Variants in PACSIN2 observed in about 807,000 individuals in gnomAD.
The protein encoded by PACSIN2 is protein kinase C and casein kinase substrate in neurons protein 2.
PACSIN2 carries 25 observed loss-of-function variants against 63.8 expected under a neutral mutation model. That is an observed-to-expected ratio of 0.39 (90% CI 0.29 to 0.55). The LOEUF (loss-of-function observed/expected upper bound fraction) is 0.55. Among genes scored for constraint, PACSIN2 ranks in the 20% least tolerant of loss-of-function variants. PACSIN2 has a pLI of 0.62. For synonymous variants in PACSIN2, 255 were observed against 256.2 expected (o/e 1.00, Z 0.05); for missense variants, 518 against 646.9 (o/e 0.80, Z 2.16).
intron 1 of PACSIN2, among the ~76,000 whole-genome samples, chr22:42,923,679 G>C (rs541008241): frequency 1.2e-4 from 19 of 152,176 alleles, no homozygotes; most frequent in African/African-American, 4.6e-4. Context: ...CGCCCGCCTC[G>C]GCCTCCCAAA....
chr22:42,986,084 C>T (rs1198264224), intron 1 of PACSIN2, among the ~76,000 whole-genome samples: 1 of 152,150 alleles, frequency 6.6e-6, no homozygotes, highest in Non-Finnish European at 1.5e-5. Context: ...TAGCCAAGCA[C>T]CCTCAAGGTG....
At chr22:42,990,038 A>ATATATATACACACATATGTATATATATG (rs1922934633) in intron 1 of PACSIN2, among the ~76,000 whole-genome samples, 1 of 23,786 alleles carries the variant, frequency 4.2e-5, no homozygotes, top group African/African-American at 2.9e-4. Flanking sequence ...ATATATATGT[A>ATATATATACACACATATGTATATATATG]TATATATATA....
intron 1 of PACSIN2, among the ~76,000 whole-genome samples, chr22:43,012,284 G>C (rs1404658366): frequency 3.0e-5 from 4 of 133,326 alleles, no homozygotes; most frequent in Admixed American, 8.8e-5. Context: ...GGAATCATTT[G>C]AACCTGGGCA....
intron 1 of PACSIN2, among the ~76,000 whole-genome samples, chr22:42,975,610 T>TA (rs1286991355): frequency 2.2e-5 from 2 of 91,058 alleles, no homozygotes; most frequent in African/African-American, 9.4e-5. Flanking sequence ...GTATAAGTAT[T>TA]CTTTTTTTTT....
chr22:42,888,926 T>C (rs1033858194), intron 4 of PACSIN2, 128 bp from the exon 5 acceptor site: 6 of 835,658 alleles, frequency 7.2e-6, no homozygotes, highest in African/African-American at 3.4e-5. Flanking sequence ...AAATTGTATG[T>C]ATACTATCAT....
rs146788796 is a variant in PACSIN2 at position 42,930,102 on chromosome 22, C to T, written c.-77-17945G>A. ...AATATGAATGCCATGCTTTTCTCAT[C>T]GCGAACCATGAGGTGACTTGGGAAC... On this transcript the variant is annotated intron_variant, in intron 1 of 10. Coordinates refer to ENST00000263246, the MANE Select transcript of PACSIN2 (RefSeq NM_001184970.3). Among the ~76,000 whole-genome samples, 294 of 152,322 alleles carry T rather than the reference C, an allele frequency of 1.9e-3. 4 individuals are homozygous for T. The highest frequency in any genetic ancestry group is 7.9e-3 in the South Asian group (38 of 4,824).
At chr22:42,969,591 T>A (rs933418056) in intron 1 of PACSIN2, among the ~76,000 whole-genome samples, 6 of 152,158 alleles carry the variant, frequency 3.9e-5, no homozygotes, top group Non-Finnish European at 5.9e-5. Context: ...TGGGATTGAT[T>A]ATCGCTGTAG....
At chr22:43,010,398 A>ATATATATTTTTTTTTTT in intron 1 of PACSIN2, among the ~76,000 whole-genome samples, 4 of 126,406 alleles carry the variant, frequency 3.2e-5, no homozygotes, top group Middle Eastern at 8.1e-3. Context: ...ATATATATAT[A>ATATATATTTTTTTTTTT]TTTTTTTTTA....
intron 1 of PACSIN2, among the ~76,000 whole-genome samples, chr22:42,946,540 ACT>A (rs1385232248): frequency 6.6e-6 from 1 of 152,082 alleles, no homozygotes; most frequent in Non-Finnish European, 1.5e-5. Flanking sequence ...AAAGAGCAAA[ACT>A]CTGTCTCAAA....
intron 1 of PACSIN2, among the ~76,000 whole-genome samples, chr22:42,936,904 C>G (rs1186857481): frequency 1.7e-5 from 2 of 118,694 alleles, no homozygotes; most frequent in South Asian, 2.7e-4. Flanking sequence ...CAGCAAGACT[C>G]TGCCTCAAAA....
At position 42,876,225 on chromosome 22, in the gene PACSIN2, G is replaced by A. The variant is rs372138986; in HGVS notation, c.1260C>T (p.Asp420=). ...TDANGDSNPF[D]DDATSGTEVR... Reference sequence around the variant, plus strand: ...CTTCCGTCCCCGAGGTGGCGTCGTCGTCGAATGGATTCGAGTCCCCATTGG... The same window carrying A: ...CTTCCGTCCCCGAGGTGGCGTCGTCATCGAATGGATTCGAGTCCCCATTGG... Residue 420 remains aspartate (D), a synonymous_variant, in exon 10 of 11, where the codon GAC becomes GAT. Transcript: ENST00000263246. 2.7e-5 allele frequency: 43 copies of A among 1,614,058 alleles called. No individual in the cohort carries two copies. The highest frequency in any genetic ancestry group is 3.3e-5 in the Non-Finnish European group (39 of 1,180,040).
intron 10 of PACSIN2, among the ~76,000 whole-genome samples, chr22:42,873,677 T>C (rs1928351496): frequency 6.6e-6 from 1 of 152,244 alleles, no homozygotes; most frequent in African/African-American, 2.4e-5. Context: ...GAGTGGTAGA[T>C]GCTGCTTCTG....
At chr22:42,874,878 T>A (rs1928479317) in intron 10 of PACSIN2, among the ~76,000 whole-genome samples, 1 of 100,616 alleles carries the variant, frequency 9.9e-6, no homozygotes, top group African/African-American at 3.6e-5. Context: ...TGAAAAAGAG[T>A]TTTGCTCTGT....
chr22:43,013,864 A>G (rs982380770), intron 1 of PACSIN2, among the ~76,000 whole-genome samples: 3 of 152,044 alleles, frequency 2.0e-5, no homozygotes, highest in Non-Finnish European at 4.4e-5. Context: ...CCACAAAAAC[A>G]CCGGACAGGC....
intron 2 of PACSIN2, among the ~76,000 whole-genome samples, chr22:42,898,426 C>G (rs974739664): frequency 2.0e-5 from 3 of 152,084 alleles, no homozygotes; most frequent in Non-Finnish European, 4.4e-5. Flanking sequence ...CATGCGCCAC[C>G]ACGCCCAGCT....
chr22:42,911,318 G>A (rs757362193), intron 2 of PACSIN2, among the ~76,000 whole-genome samples: 63 of 151,604 alleles, frequency 4.2e-4, no homozygotes, highest in Non-Finnish European at 7.4e-5. Context: ...GCTGAGGTGG[G>A]AGGATGGCTT....
rs1352887384 is a variant in PACSIN2 at position 43,004,986 on chromosome 22, T to G, written c.-78+10035A>C. On this transcript the variant is annotated intron_variant, in intron 1 of 10. Transcript: ENST00000263246. Reference sequence around the variant, plus strand: ...GGCTATGGAAAGCTTCTTGGTAAAATGCAAATGCCTAGACAACCAAGCTCT... The same window carrying G: ...GGCTATGGAAAGCTTCTTGGTAAAAGGCAAATGCCTAGACAACCAAGCTCT... Among the ~76,000 whole-genome samples, 3 of 152,360 alleles carry G rather than the reference T, an allele frequency of 2.0e-5. No individual in the cohort carries two copies. In the East Asian group the frequency reaches 5.8e-4, roughly 29 times the overall value.
chr22:42,995,322 T>G (rs146419425), intron 1 of PACSIN2, among the ~76,000 whole-genome samples: 2 of 152,374 alleles, frequency 1.3e-5, no homozygotes, highest in African/African-American at 4.8e-5. Flanking sequence ...AATGCAAATA[T>G]TTAAAGAACA....
intron 1 of PACSIN2, among the ~76,000 whole-genome samples, chr22:42,972,065 G>GT (rs1042748213): frequency 3.3e-5 from 5 of 152,214 alleles, no homozygotes; most frequent in African/African-American, 1.2e-4. Flanking sequence ...TGTCCAATGG[G>GT]GGGGGGAAAT....
Sources: allele counts gnomAD v4.1 joint callset (sites outside exome capture counted in the v4.1 genomes callset), GRCh38; gene constraint gnomAD v4.1.1; transcripts MANE v1.5; gene names NCBI Gene and HGNC (gene_info 2026-07-23, HGNC 2026-07-21).